The following PCDH7 variants were observed in gnomAD, a reference collection of about 807,000 sequenced individuals.
PCDH7 encodes the protein protocadherin-7.
PCDH7 carries 17 observed loss-of-function variants against 58.9 expected under a neutral mutation model. The ratio of observed to expected loss-of-function variants is 0.29; its 90% confidence interval spans 0.20 to 0.43. The LOEUF (loss-of-function observed/expected upper bound fraction) is 0.43. Among genes scored for constraint, PCDH7 ranks in the 20% least tolerant of loss-of-function variants. PCDH7 has a pLI of 1.00. For missense variants in PCDH7, 1,274 were observed against 1,441.0 expected (o/e 0.88, Z 1.88); for synonymous variants, 664 against 616.4 (o/e 1.08, Z -1.14).
chr4:30,912,627 G>A (rs1020323561), intron 1 of PCDH7, among the ~76,000 whole-genome samples: 3 of 152,142 alleles, frequency 2.0e-5, no homozygotes, highest in African/African-American at 7.2e-5. Context: ...AAAAAGGAAG[G>A]TGCAGATTTA....
Position 30,845,546 on chromosome 4 carries a change from A to T in PCDH7, c.71-74607A>T, listed in dbSNP as rs559418521. Among the ~76,000 whole-genome samples the T allele has an allele frequency of 1.2e-4, 18 of 152,180 alleles. No homozygotes were observed. The South Asian group carries it at 3.7e-3, about 32-fold the overall frequency. ...AAACACATGTTTTTAAGTTGGTGTA[A>T]ATTTGGTGTAAAGTTACAACGCAAT... On this transcript the variant is annotated intron_variant, in intron 1 of 3. Transcript: ENST00000509759.
chr4:30,985,581 T>C (rs2109115992), intron 3 of PCDH7, among the ~76,000 whole-genome samples: 1 of 152,310 alleles, frequency 6.6e-6, no homozygotes, highest in African/African-American at 2.4e-5. Context: ...GTATTCTAGT[T>C]TGAAAACTCA....
Position 31,113,009 on chromosome 4 carries a change from C to T in PCDH7, c.*8-29464C>T, listed in dbSNP as rs193154678. On this transcript the variant is annotated intron_variant, in intron 3 of 3. Coordinates refer to the PCDH7 transcript ENST00000509759. ...GAAAGCTGATTCATTTTTTTCAGGT[C>T]TTCTTTGTGCTCCCTTTTTATTCTT... 2.0e-4 allele frequency among the ~76,000 whole-genome samples: 31 copies of T among 152,092 alleles called. No individual in the cohort carries two copies. In the East Asian group the frequency reaches 5.8e-3, roughly 28 times the overall value.
At chr4:30,865,507 G>C (rs1298760406) in intron 1 of PCDH7, among the ~76,000 whole-genome samples, 1 of 152,002 alleles carries the variant, frequency 6.6e-6, no homozygotes, top group Non-Finnish European at 1.5e-5. Flanking sequence ...ATTTGGACAT[G>C]TGAGCAACAT....
intron 3 of PCDH7, among the ~76,000 whole-genome samples, chr4:30,984,707 T>G: frequency 6.6e-6 from 1 of 152,154 alleles, no homozygotes; most frequent in Non-Finnish European, 1.5e-5. Context: ...GCTGCTTCTA[T>G]GACAATGAAA....
chr4:30,827,028 A>G (rs1024171704), intron 1 of PCDH7, among the ~76,000 whole-genome samples: 2 of 152,168 alleles, frequency 1.3e-5, no homozygotes, highest in Admixed American at 6.6e-5. Context: ...CAATGTGTAT[A>G]TAAACAATGA....
intron 3 of PCDH7, among the ~76,000 whole-genome samples, chr4:31,019,772 A>G (rs1286583770): frequency 2.0e-5 from 3 of 151,972 alleles, no homozygotes; most frequent in African/African-American, 7.3e-5. Flanking sequence ...AGACACATAT[A>G]CACACATGTA....
intron 3 of PCDH7, among the ~76,000 whole-genome samples, chr4:31,074,842 C>T (rs1260868579): frequency 6.7e-6 from 1 of 148,734 alleles, no homozygotes; most frequent in Non-Finnish European, 1.5e-5. Context: ...CCCTACCATC[C>T]TGCATATGAG....
At chr4:31,052,222 A>T (rs574811681) in intron 3 of PCDH7, among the ~76,000 whole-genome samples, 4 of 152,290 alleles carry the variant, frequency 2.6e-5, no homozygotes, top group African/African-American at 9.6e-5. Flanking sequence ...TTTAAACAAA[A>T]GTGTCTTCTA....
intron 1 of PCDH7, among the ~76,000 whole-genome samples, chr4:30,817,268 T>G (rs956980059): frequency 6.6e-6 from 1 of 152,198 alleles, no homozygotes; most frequent in African/African-American, 2.4e-5. Context: ...TCATAGGATG[T>G]TGTGAGGGCT....
At chr4:31,097,755 T>C (rs1376386532) in intron 3 of PCDH7, among the ~76,000 whole-genome samples, 1 of 151,148 alleles carries the variant, frequency 6.6e-6, no homozygotes, top group Non-Finnish European at 1.5e-5. Context: ...AGCTAGCTTA[T>C]TTGAAAGTCA....
chr4:31,104,463 T>C (rs1715299552), intron 3 of PCDH7, among the ~76,000 whole-genome samples: 1 of 152,250 alleles, frequency 6.6e-6, no homozygotes, highest in South Asian at 2.1e-4. Flanking sequence ...GTAAATGATA[T>C]AGCACTTAAT....
At chr4:30,886,713 G>A (rs2109377856) in intron 1 of PCDH7, among the ~76,000 whole-genome samples, 1 of 151,632 alleles carries the variant, frequency 6.6e-6, no homozygotes, top group African/African-American at 2.4e-5. Context: ...GCAAAGACTT[G>A]GAACCAACTC....
chr4:31,004,411 C>G (rs1335252067), intron 3 of PCDH7, among the ~76,000 whole-genome samples: 2 of 151,892 alleles, frequency 1.3e-5, no homozygotes, highest in Non-Finnish European at 2.9e-5. Flanking sequence ...TGAGACTGAT[C>G]AATAAGAATA....
chr4:31,033,595 C>T (rs13114970), intron 3 of PCDH7, among the ~76,000 whole-genome samples: 1,626 of 151,834 alleles, frequency 0.011, 17 homozygotes, highest in Non-Finnish European at 0.019. Flanking sequence ...TAAAAACAAG[C>T]TTTTGGCAAT....
chr4:30,971,795 C>G (rs1489161670), intron 3 of PCDH7, among the ~76,000 whole-genome samples: 1 of 152,044 alleles, frequency 6.6e-6, no homozygotes, highest in African/African-American at 2.4e-5. Context: ...AACCCAGTCT[C>G]AACAAAATAT....
At chr4:30,844,910 G>A (rs1330758168) in intron 1 of PCDH7, among the ~76,000 whole-genome samples, 1 of 152,092 alleles carries the variant, frequency 6.6e-6, no homozygotes, top group Non-Finnish European at 1.5e-5. Flanking sequence ...TACACCAGAA[G>A]TCTTTGAAAA....
chr4:30,810,097 A>G (rs898555473), intron 1 of PCDH7, among the ~76,000 whole-genome samples: 1 of 152,198 alleles, frequency 6.6e-6, no homozygotes, highest in South Asian at 2.1e-4. Flanking sequence ...GATTTTATTA[A>G]CAAAAACCTA....
At chr4:31,109,373 G>A (rs1475900944) in intron 3 of PCDH7, among the ~76,000 whole-genome samples, 1 of 152,128 alleles carries the variant, frequency 6.6e-6, no homozygotes, top group African/African-American at 2.4e-5. Flanking sequence ...TTAAAGTAAG[G>A]TTGTTAGCTT....
Sources: gnomAD v4.1 joint callset for allele counts (sites outside exome capture counted in the v4.1 genomes callset) on GRCh38, gnomAD v4.1.1 for gene constraint, MANE v1.5 for transcripts, NCBI Gene and HGNC (gene_info 2026-07-23, HGNC 2026-07-21) for gene names.